The following SH3BGRL variants were observed in gnomAD, a reference collection of about 807,000 sequenced individuals.
SH3BGRL encodes the protein SH3 domain binding glutamate rich protein like.
A neutral mutation model predicts 9.8 loss-of-function variants in SH3BGRL; 7 were observed. The ratio of observed to expected loss-of-function variants is 0.72; its 90% CI spans 0.41 to 1.35. The LOEUF is 1.35. Ranked by LOEUF, SH3BGRL falls within the 40% of genes most tolerant of loss-of-function variation. SH3BGRL has a pLI of 0.01. For missense variants in SH3BGRL, 73 were observed against 84.4 expected (o/e 0.86, Z 0.53); for synonymous variants, 36 against 29.1 (o/e 1.24, Z -0.76).
intron 3 of SH3BGRL, among the ~76,000 whole-genome samples, chrX:81,293,698 G>T (rs1229381646): frequency 3.6e-5 from 4 of 111,879 alleles, no homozygotes; most frequent in Non-Finnish European, 7.5e-5. Context: ...AAATGTGGAA[G>T]TGACTTTTTA....
At chrX:81,292,797 T>C (rs2075862352) in intron 3 of SH3BGRL, among the ~76,000 whole-genome samples, 1 of 111,854 alleles carries the variant, frequency 8.9e-6, no homozygotes, top group South Asian at 3.8e-4. Flanking sequence ...CTTAGAAATT[T>C]CTTCCACCAG....
intron 3 of SH3BGRL, among the ~76,000 whole-genome samples, chrX:81,292,170 T>C (rs1256212654): frequency 8.9e-6 from 1 of 111,890 alleles, no homozygotes; most frequent in Non-Finnish European, 1.9e-5. Flanking sequence ...CCAGTAGAGG[T>C]TCTGCATGAG....
intron 1 of SH3BGRL, among the ~76,000 whole-genome samples, chrX:81,206,036 T>A (rs1422396366): frequency 8.9e-6 from 1 of 111,937 alleles, no homozygotes; most frequent in Admixed American, 9.5e-5. Context: ...TGAAATCATT[T>A]GCCATTTAAA....
intron 1 of SH3BGRL, chrX:81,237,222 T>C (rs867061996): frequency 8.2e-6 from 3 of 364,509 alleles, no homozygotes; most frequent in African/African-American, 2.6e-5. Context: ...AAAAGCTTCA[T>C]CAATTTAACA....
intron 1 of SH3BGRL, among the ~76,000 whole-genome samples, chrX:81,254,695 T>C (rs1264259382): frequency 7.2e-5 from 8 of 111,474 alleles, no homozygotes; most frequent in Admixed American, 5.7e-4. Flanking sequence ...GTTTAACAGT[T>C]ATTTTCCCAG....
rs145656211 is a variant in SH3BGRL at position 81,259,795 on chromosome X, A to G, written c.46-17189A>G. ...ATGGTCAGAAGCCACTGACACTGTT[A>G]TGGAAGCACTGTTGTGGAATGTTCT... On this transcript the variant is annotated intron_variant, in intron 1 of 3. Coordinates refer to ENST00000373212, the MANE Select transcript of SH3BGRL (RefSeq NM_003022.3). 3.1e-3 allele frequency among the ~76,000 whole-genome samples: 349 copies of G among 112,181 alleles called. 3 individuals carry two copies. Among genetic ancestry groups the G allele is most frequent in the African/African-American group, 0.01 (317 of 30,962 alleles).
intron 3 of SH3BGRL, among the ~76,000 whole-genome samples, chrX:81,280,746 A>G (rs911201895): frequency 9.0e-6 from 1 of 111,630 alleles, no homozygotes; most frequent in Non-Finnish European, 1.9e-5. Flanking sequence ...CAGTGGTAAT[A>G]TGACAAAACA....
chrX:81,294,465 G>T (rs2147724853), intron 3 of SH3BGRL, among the ~76,000 whole-genome samples: 1 of 110,608 alleles, frequency 9.0e-6, no homozygotes, highest in East Asian at 2.9e-4. Context: ...GTGGTGTTGA[G>T]CCTGTGGGTG....
At chrX:81,224,878 C>G (rs930216283) in intron 1 of SH3BGRL, among the ~76,000 whole-genome samples, 84 of 107,172 alleles carry the variant, frequency 7.8e-4, no homozygotes, top group African/African-American at 2.7e-3. Context: ...GTTGGGAACA[C>G]TTTTTTTTTT....
At chrX:81,216,784 T>C (rs1012002090) in intron 1 of SH3BGRL, among the ~76,000 whole-genome samples, 5 of 112,004 alleles carry the variant, frequency 4.5e-5, no homozygotes, top group African/African-American at 1.6e-4. Context: ...TCATTCTTTT[T>C]ATAACTGAGT....
intron 1 of SH3BGRL, among the ~76,000 whole-genome samples, chrX:81,246,753 G>T (rs756561711): frequency 1.8e-5 from 2 of 110,980 alleles, no homozygotes; most frequent in East Asian, 5.6e-4. Flanking sequence ...GACGCTTCTG[G>T]CTTTGTTGTT....
chrX:81,275,008 G>C (rs761211084), intron 1 of SH3BGRL, among the ~76,000 whole-genome samples: 1 of 111,148 alleles, frequency 9.0e-6, no homozygotes, highest in African/African-American at 3.3e-5. Context: ...CTCTCCAACT[G>C]ATGGCTGGAG....
chrX:81,259,337 T>C (rs1455384668), intron 1 of SH3BGRL, among the ~76,000 whole-genome samples: 1 of 112,063 alleles, frequency 8.9e-6, no homozygotes, highest in East Asian at 2.8e-4. Context: ...GGAGAACATC[T>C]TACAGACTAT....
chrX:81,242,839 A>G (rs891663058), intron 1 of SH3BGRL, among the ~76,000 whole-genome samples: 10 of 112,111 alleles, frequency 8.9e-5, no homozygotes, highest in African/African-American at 3.2e-4. Flanking sequence ...GCAATGATAT[A>G]TCATCTCACC....
At chrX:81,207,972 C>T (rs1192778920) in intron 1 of SH3BGRL, among the ~76,000 whole-genome samples, 1 of 111,463 alleles carries the variant, frequency 9.0e-6, no homozygotes, top group Non-Finnish European at 1.9e-5. Flanking sequence ...GATTAATTAT[C>T]TGGGCCGGGC....
At chrX:81,250,024 C>A (rs1280362917) in intron 1 of SH3BGRL, among the ~76,000 whole-genome samples, 1 of 101,771 alleles carries the variant, frequency 9.8e-6, no homozygotes. Flanking sequence ...AAGGTTTTAA[C>A]TTTTTTTTTT....
chrX:81,238,561 G>C (rs1311212031), intron 1 of SH3BGRL, among the ~76,000 whole-genome samples: 1 of 111,824 alleles, frequency 8.9e-6, no homozygotes, highest in East Asian at 2.8e-4. Flanking sequence ...CTGGGATCTG[G>C]GGGAACTCAC....
chrX:81,219,210 G>A (rs182584335), intron 1 of SH3BGRL, among the ~76,000 whole-genome samples: 426 of 109,564 alleles, frequency 3.9e-3, no homozygotes, highest in African/African-American at 0.013. Flanking sequence ...AGAGCTGTGA[G>A]GCAAAAGCAT....
At chrX:81,290,254 A>T (rs867936573) in intron 3 of SH3BGRL, among the ~76,000 whole-genome samples, 3 of 112,366 alleles carry the variant, frequency 2.7e-5, no homozygotes, top group Admixed American at 9.4e-5. Flanking sequence ...GCAAATCAGT[A>T]TATCAAAGAG....
Sources: allele counts gnomAD v4.1 joint callset (sites outside exome capture counted in the v4.1 genomes callset), GRCh38; gene constraint gnomAD v4.1.1; transcripts MANE v1.5; gene names NCBI Gene and HGNC (gene_info 2026-07-23, HGNC 2026-07-21).